The following ASZ1 variants were observed in gnomAD, a reference collection of about 807,000 sequenced individuals.
The protein encoded by ASZ1 is ankyrin repeat, SAM and basic leucine zipper domain containing 1.
Under a neutral mutation model 61.8 loss-of-function variants are expected in ASZ1, and 67 were observed. The observed-to-expected ratio is 1.08, with a 90% CI of 0.89 to 1.33. ASZ1 has a LOEUF of 1.33. Ranked by LOEUF, ASZ1 falls within the 40% of genes most tolerant of loss-of-function variation. The pLI is 0.00. For missense variants in ASZ1, 577 were observed against 554.5 expected (o/e 1.04, Z -0.41); for synonymous variants, 193 against 192.7 (o/e 1.00, Z -0.01).
At chr7:117,403,853 C>T (rs1796726476) in intron 4 of ASZ1, among the ~76,000 whole-genome samples, 1 of 152,162 alleles carries the variant, frequency 6.6e-6, no homozygotes, top group Admixed American at 6.5e-5. Context: ...GCATTACCAT[C>T]TGAGCTCCAC....
At chr7:117,406,695 G>T (rs1050043712) in intron 4 of ASZ1, among the ~76,000 whole-genome samples, 3 of 151,924 alleles carry the variant, frequency 2.0e-5, no homozygotes, top group Non-Finnish European at 4.4e-5. Context: ...GGAGGTTGTG[G>T]TGAGCCGAGA....
intron 4 of ASZ1, among the ~76,000 whole-genome samples, chr7:117,417,186 T>C (rs1200746641): frequency 6.8e-6 from 1 of 148,064 alleles, no homozygotes; most frequent in African/African-American, 2.7e-5. Context: ...CCCGTATTAG[T>C]TAAAAAAAAA....
chr7:117,382,983 T>C lies in ASZ1; in HGVS notation c.812+3A>G. The C allele has an allele frequency of 1.9e-6, 3 of 1,561,820 alleles. No homozygotes were observed. Among genetic ancestry groups the C allele is most frequent in the Non-Finnish European group, 2.6e-6 (3 of 1,157,430 alleles). On this transcript the variant is annotated splice_donor_region_variant and intron_variant, in intron 7 of 12. Coordinates refer to ENST00000284629, the MANE Select transcript of ASZ1 (RefSeq NM_130768.3). ...TCTGTTGAACTAAAACATGCTATATTACCTAAAAATGTGATCTTTTTCTCT... is the reference window on the plus strand; with the variant it reads ...TCTGTTGAACTAAAACATGCTATATCACCTAAAAATGTGATCTTTTTCTCT...
intron 10 of ASZ1, among the ~76,000 whole-genome samples, chr7:117,373,793 C>T (rs774037639): frequency 1.3e-5 from 2 of 151,842 alleles, no homozygotes; most frequent in African/African-American, 2.4e-5. Context: ...TATTAAATCC[C>T]ATAAAGTAAA....
intron 4 of ASZ1, among the ~76,000 whole-genome samples, chr7:117,394,129 G>C (rs910853830): frequency 6.6e-6 from 1 of 151,770 alleles, no homozygotes; most frequent in East Asian, 1.9e-4. Context: ...TTAGGAGACA[G>C]GGTCTTGCTC....
chr7:117,421,734 A>G (rs1001744280), intron 3 of ASZ1, among the ~76,000 whole-genome samples: 12 of 152,344 alleles, frequency 7.9e-5, no homozygotes, highest in African/African-American at 2.9e-4. Flanking sequence ...GTTAAAAATA[A>G]GTAATCAGGA....
rs188636883 is a variant in ASZ1, at chr7:117,366,253, G to C, written c.1275+1099C>G. On this transcript the variant is annotated intron_variant, in intron 12 of 12. Transcript: ENST00000284629. Reference sequence around the variant, plus strand: ...CACTCCAGCCTGGGCAATGGAGTGAGACTCAGTATCAAAAAAGAAAAAAAA... The same window carrying C: ...CACTCCAGCCTGGGCAATGGAGTGACACTCAGTATCAAAAAAGAAAAAAAA... 7.1e-4 allele frequency among the ~76,000 whole-genome samples: 108 copies of C among 151,374 alleles called. 1 individual carries two copies. The highest frequency in any genetic ancestry group is 1.4e-3 in the Non-Finnish European group (98 of 67,890).
intron 4 of ASZ1, among the ~76,000 whole-genome samples, chr7:117,419,237 T>C (rs1458002244): frequency 6.6e-6 from 1 of 152,172 alleles, no homozygotes; most frequent in Non-Finnish European, 1.5e-5. Flanking sequence ...CATTGCCAAA[T>C]ATCCCCTGAA....
Position 117,420,198 on chromosome 7 carries a change from T to C in ASZ1, c.405A>G (p.Leu135=). 3.1e-6 allele frequency: 5 copies of C among 1,611,698 alleles called. No individual in the cohort carries two copies. The highest frequency in any genetic ancestry group is 2.2e-5 in the South Asian group (2 of 90,846). Residue 135 remains leucine (L), a synonymous_variant, in exon 4 of 13, where the codon CTA becomes CTG. Transcript: ENST00000284629. The part of the protein sequence containing the change: ...EEQILKCVEL[L]LSRNADPNVA... Reference sequence around the variant, plus strand: ...CATTTGGATCAGCATTTCTTGAAAGTAGTAGTTCTACACACTTCAAGATCT... The same window carrying C: ...CATTTGGATCAGCATTTCTTGAAAGCAGTAGTTCTACACACTTCAAGATCT...
At chr7:117,419,490 G>C (rs755075292) in intron 4 of ASZ1, among the ~76,000 whole-genome samples, 2 of 151,988 alleles carry the variant, frequency 1.3e-5, no homozygotes, top group Non-Finnish European at 2.9e-5. Flanking sequence ...AATTCTATTT[G>C]TGCTAGACAT....
intron 10 of ASZ1, among the ~76,000 whole-genome samples, chr7:117,378,479 C>A (rs1796178602): frequency 6.6e-6 from 1 of 151,988 alleles, no homozygotes; most frequent in Non-Finnish European, 1.5e-5. Flanking sequence ...ACACAACAAG[C>A]TATTACTGTA....
Position 117,420,262 on chromosome 7 carries a change from A to G in ASZ1, c.341T>C (p.Ile114Thr), listed in dbSNP as rs1245917501. 6.2e-7 allele frequency: 1 copy of G among 1,611,892 alleles called. No homozygotes were observed. Among genetic ancestry groups the G allele is most frequent in the Non-Finnish European group, 8.5e-7 (1 of 1,179,334 alleles). Residue 114 changes from isoleucine (I) to threonine (T), a missense_variant, in exon 4 of 13, where the codon ATT (isoleucine) becomes ACT (threonine). Coordinates refer to ENST00000284629, the MANE Select transcript of ASZ1 (RefSeq NM_130768.3). ...ATGAGCAGAACATGCAGTTATCAAA[A>G]TACTTTGCTTATCTATAGTGAATAG... ...NASFEKDKQSILITACSAHGS... is the reference protein window; with the variant it reads ...NASFEKDKQSTLITACSAHGS...
At chr7:117,424,176 ATACTT>A (rs1797153884) in intron 2 of ASZ1, among the ~76,000 whole-genome samples, 1 of 152,226 alleles carries the variant, frequency 6.6e-6, no homozygotes, top group Admixed American at 6.5e-5. Flanking sequence ...AAAATATGTC[ATACTT>A]TAAAGAAAAT....
At chr7:117,412,260 C>G (rs1796911410) in intron 4 of ASZ1, among the ~76,000 whole-genome samples, 1 of 151,628 alleles carries the variant, frequency 6.6e-6, no homozygotes, top group South Asian at 2.1e-4. Context: ...GACAAAATGT[C>G]TTGATTATTT....
rs1254562145 is a variant in ASZ1 at position 117,398,952 on chromosome 7, G to C, written c.441-13143C>G. On this transcript the variant is annotated intron_variant, in intron 4 of 12. Transcript: ENST00000284629. ...TCCTTCAAAACTAAGTTTGAGGCTG[G>C]GCGCAGTGGCTCAAACCTGTAGTAT... Among the ~76,000 whole-genome samples, 3 of 152,172 alleles carry C rather than the reference G, an allele frequency of 2.0e-5. No individual in the cohort carries two copies. In the East Asian group the frequency reaches 5.8e-4, roughly 29 times the overall value.
chr7:117,386,823 ATC>A (rs1033140932), intron 4 of ASZ1, among the ~76,000 whole-genome samples: 1 of 151,968 alleles, frequency 6.6e-6, no homozygotes, highest in Non-Finnish European at 1.5e-5. Context: ...ATTCATATAT[ATC>A]TGTTTCTTAT....
At chr7:117,425,874 C>T (rs948284276) in intron 2 of ASZ1, among the ~76,000 whole-genome samples, 6 of 151,938 alleles carry the variant, frequency 3.9e-5, no homozygotes, top group Admixed American at 2.0e-4. Context: ...CTTTTAGTCC[C>T]GGCTACTCCG....
intron 10 of ASZ1, among the ~76,000 whole-genome samples, chr7:117,371,380 TATAAACTTTATATAC>T (rs1796048067): frequency 1.3e-5 from 2 of 152,144 alleles, no homozygotes; most frequent in South Asian, 4.1e-4. Context: ...TTTTATAAAA[TATAAACTTTATATAC>T]ATAATACATA....
Position 117,384,777 on chromosome 7 carries a change from G to A in ASZ1, c.636C>T (p.Thr212=). The A allele has an allele frequency of 6.2e-7, 1 of 1,611,822 alleles. No individual in the cohort carries two copies. The highest frequency in any genetic ancestry group is 8.5e-7 in the Non-Finnish European group (1 of 1,178,992). The part of the protein sequence containing the change: ...LELGANKMLQ[T]KDGKMPSEIA... ...TCTCACTTGGCATCTTTCCATCTTTGGTTTGTAGCATTTTATTAGCTCCAA... is the reference window on the plus strand; with the variant it reads ...TCTCACTTGGCATCTTTCCATCTTTAGTTTGTAGCATTTTATTAGCTCCAA... The change falls in exon 6 of 13, where the codon ACC becomes ACT. Residue 212 remains threonine (T), a synonymous_variant. Transcript: ENST00000284629.
Sources: gnomAD v4.1 joint callset for allele counts (sites outside exome capture counted in the v4.1 genomes callset) on GRCh38, gnomAD v4.1.1 for gene constraint, MANE v1.5 for transcripts, NCBI Gene and HGNC (gene_info 2026-07-23, HGNC 2026-07-21) for gene names.